The following ITGA5 variants were observed in gnomAD, a reference collection of about 807,000 sequenced individuals.
ITGA5 encodes integrin alpha-5.
ITGA5 carries 55 observed loss-of-function variants against 146.3 expected under a neutral mutation model. The ratio of observed to expected loss-of-function variants is 0.38; its 90% confidence interval spans 0.30 to 0.47. The LOEUF (loss-of-function observed/expected upper bound fraction) is 0.47. Among genes scored for constraint, ITGA5 ranks in the 20% least tolerant of loss-of-function variants. ITGA5 has a pLI of 0.99. For missense variants in ITGA5, 1,131 were observed against 1,329.0 expected, an observed-to-expected ratio of 0.85 and a Z score of 2.32; for synonymous variants, 500 against 531.8, an observed-to-expected ratio of 0.94 and a Z score of 0.82.
chr12:54,410,291 C>T (rs1018729178), intron 2 of ITGA5, among the ~76,000 whole-genome samples: 1 of 151,232 alleles, frequency 6.6e-6, no homozygotes, highest in African/African-American at 2.4e-5. Flanking sequence ...AACCCTTTGG[C>T]TGCACTTCTT....
Position 54,408,885 on chromosome 12 carries a change from T to C in ITGA5, c.645+8A>G. 1 of 1,613,878 alleles carries C rather than the reference T, an allele frequency of 6.2e-7. No individual in the cohort carries two copies. Among genetic ancestry groups the C allele is most frequent in the Non-Finnish European group, 8.5e-7 (1 of 1,179,882 alleles). Reference sequence around the variant, plus strand: ...CACGGCCCCTTCTCTCCCAGACCACTCTCTCACCTTGGTGAACTCGGCACT... The same window carrying C: ...CACGGCCCCTTCTCTCCCAGACCACCCTCTCACCTTGGTGAACTCGGCACT... On this transcript the variant is annotated splice_region_variant and intron_variant, in intron 5 of 29. Coordinates refer to ENST00000293379, the MANE Select transcript of ITGA5 (RefSeq NM_002205.5).
chr12:54,403,064 C>A lies in ITGA5; in HGVS notation c.1915-14G>T. 8.1e-6 allele frequency: 13 copies of A among 1,614,048 alleles called. No homozygotes were observed. Among genetic ancestry groups the A allele is most frequent in the Non-Finnish European group, 1.0e-5 (12 of 1,179,942 alleles). ...CAAGATCTGAGCCTGGGGAGCAGGG[C>A]AGCCTTGAGAGGGGAAGTTTAGACC... is the stretch of plus-strand genomic sequence containing the variant. On this transcript the variant is annotated splice_polypyrimidine_tract_variant and intron_variant, in intron 18 of 29. Coordinates refer to ENST00000293379, the MANE Select transcript of ITGA5 (RefSeq NM_002205.5). The surrounding 1 kb of genome is among the most constrained non-coding windows in gnomAD (Gnocchi z 4.9).
chr12:54,412,468 G>T (rs1955958977), intron 1 of ITGA5: 1 of 152,990 alleles, frequency 6.5e-6, no homozygotes, highest in Non-Finnish European at 1.5e-5. Context: ...GGGCGTGTAG[G>T]AGGAAAATGT....
chr12:54,399,711 G>C lies in ITGA5; in HGVS notation c.2775C>G (p.Pro925=). The C allele has an allele frequency of 6.2e-7, 1 of 1,614,190 alleles. No homozygotes were observed. The highest frequency in any genetic ancestry group is 2.2e-5 in the East Asian group (1 of 44,886). Residue 925 remains proline, a synonymous_variant, in exon 27 of 30, where the codon CCC becomes CCG. Coordinates refer to ENST00000293379, the MANE Select transcript of ITGA5 (RefSeq NM_002205.5). The part of the protein sequence containing the change: ...ECFRLRCELG[P]LHQQESQSLQ... ...GACTTTGGCTCTCTTGTTGGTGCAG[G>C]GGCCCGAGCTCACAGCGCAGCCTGA...
Position 54,399,960 on chromosome 12 carries a change from G to A in ITGA5, c.2644-13C>T, listed in dbSNP as rs780262273. ...CCTCGGGATCCAACTATAAAAGAAA[G>A]TGTTGGGCCCCTTTCCCATCTCATT... On this transcript the variant is annotated splice_polypyrimidine_tract_variant and intron_variant, in intron 25 of 29. Coordinates refer to ENST00000293379, the MANE Select transcript of ITGA5 (RefSeq NM_002205.5). The A allele has an allele frequency of 6.2e-7, 1 of 1,604,408 alleles. No individual in the cohort carries two copies. The highest frequency in any genetic ancestry group is 1.7e-5 in the Admixed American group (1 of 59,986).
intron 2 of ITGA5, among the ~76,000 whole-genome samples, chr12:54,410,422 T>G (rs1001718300): frequency 3.3e-5 from 5 of 150,446 alleles, no homozygotes; most frequent in Admixed American, 6.6e-5. Flanking sequence ...TATGGCTCAC[T>G]GCAACCTTGA....
At chr12:54,410,552 A>ATT (rs576869414) in intron 2 of ITGA5, among the ~76,000 whole-genome samples, 1 of 139,368 alleles carries the variant, frequency 7.2e-6, no homozygotes. Context: ...GTTTATTTTA[A>ATT]TTTTTTTTTT....
intron 2 of ITGA5, among the ~76,000 whole-genome samples, chr12:54,411,368 A>G (rs999692731): frequency 1.8e-4 from 27 of 152,206 alleles, no homozygotes; most frequent in Non-Finnish European, 1.9e-4. Context: ...AGAGCAACTG[A>G]TAGCTGTTAG....
Position 54,409,108 on chromosome 12 carries a change from T to C in ITGA5, c.583+124A>G. 2.0e-6 allele frequency: 3 copies of C among 1,473,836 alleles called. No homozygotes were observed. Among genetic ancestry groups the C allele is most frequent in the Non-Finnish European group, 2.8e-6 (3 of 1,082,138 alleles). The allele number at this position is 1,473,836 out of a possible 1,614,324, so 91.3% of individuals were successfully genotyped here. ...TAAAGGCTAACGAACTGGGTTAGCC[T>C]TTATCTTAAGCAACCTAGAACCTCA... On this transcript the variant is annotated intron_variant, in intron 4 of 29. Transcript: ENST00000293379. This position sits in a 1 kb window ranked among gnomAD's most constrained non-coding sequence, Gnocchi z 4.7.
intron 1 of ITGA5, among the ~76,000 whole-genome samples, chr12:54,412,675 C>G (rs948833162): frequency 9.9e-5 from 15 of 152,210 alleles, no homozygotes; most frequent in African/African-American, 3.6e-4. Context: ...TCTGCTCTAC[C>G]GGGGTCCCAG....
At chr12:54,418,621 C>T (rs1338795516) in intron 1 of ITGA5, among the ~76,000 whole-genome samples, 1 of 151,462 alleles carries the variant, frequency 6.6e-6, no homozygotes, top group African/African-American at 2.4e-5. Flanking sequence ...TGCGCCCCCA[C>T]CCGCCCCAGG....
In ITGA5 at chr12:54,404,126, T is replaced by G. The variant is rs770752273; in HGVS notation, c.1565+19A>C. On this transcript the variant is annotated intron_variant, in intron 15 of 29. Transcript: ENST00000293379. Reference sequence around the variant, plus strand: ...ACTCCCAGGCTCAGGTCTCTGCAATTTCCTGGGCACCAGCTCACCAGGCCA... The same window carrying G: ...ACTCCCAGGCTCAGGTCTCTGCAATGTCCTGGGCACCAGCTCACCAGGCCA... 3 of 1,573,376 alleles carry G rather than the reference T, an allele frequency of 1.9e-6. No homozygotes were observed. Among genetic ancestry groups the G allele is most frequent in the Non-Finnish European group, 2.6e-6 (3 of 1,157,446 alleles).
At position 54,419,241 on chromosome 12, in the gene ITGA5, G is replaced by C. The variant is rs566530526; in HGVS notation, c.-43C>G. On this transcript the variant is annotated 5_prime_UTR_variant, in exon 1 of 30. Coordinates refer to ENST00000293379, the MANE Select transcript of ITGA5 (RefSeq NM_002205.5). ...GTCCTGGGGCCACCGACCCGGAGCC[G>C]CTTCCTAAACCTCCCAGAGGCGAAT... 4 of 1,544,008 alleles carry C rather than the reference G, an allele frequency of 2.6e-6. No individual in the cohort carries two copies. Among genetic ancestry groups the C allele is most frequent in the South Asian group, 1.2e-5 (1 of 84,108 alleles).
rs1412939133 is a variant in ITGA5, at chr12:54,403,362, T to C, written c.1777-38A>G. 3 of 1,498,760 alleles carry C rather than the reference T, an allele frequency of 2.0e-6. No individual in the cohort carries two copies. The South Asian group carries it at 4.2e-5, about 21-fold the overall frequency. The allele number at this position is 1,498,760 out of a possible 1,614,324, so 92.8% of individuals were successfully genotyped here. A position where few individuals can be genotyped will look rare whatever the true frequency, so the allele number is the denominator to read the frequency against. On this transcript the variant is annotated intron_variant, in intron 17 of 29. Coordinates refer to ENST00000293379, the MANE Select transcript of ITGA5 (RefSeq NM_002205.5). The surrounding 1 kb of genome is among the most constrained non-coding windows in gnomAD (Gnocchi z 4.9). ...GAGAGAGTTCACGGAGTCAGGGGACTCTGGAGACTTAGTGGCCCTGCTCCT... is the reference window on the plus strand; with the variant it reads ...GAGAGAGTTCACGGAGTCAGGGGACCCTGGAGACTTAGTGGCCCTGCTCCT...
At chr12:54,400,014 T>A (rs1955768147) in intron 25 of ITGA5, 67 bp from the exon 26 acceptor site, 1 of 1,123,420 alleles carries the variant, frequency 8.9e-7, no homozygotes, top group African/African-American at 1.5e-5. Flanking sequence ...TGCACCTGGG[T>A]TCCAGAGCAG....
rs1319418898 is a variant in ITGA5, at chr12:54,401,534, C to T, written c.2387+51G>A. On this transcript the variant is annotated intron_variant, in intron 23 of 29. Coordinates refer to ENST00000293379, the MANE Select transcript of ITGA5 (RefSeq NM_002205.5). This position sits in a 1 kb window ranked among gnomAD's most constrained non-coding sequence, Gnocchi z 5.0. ...GAAGGAACCCCATATGCATCCTTCC[C>T]TAGAAGTCTGTGTCCCCTCTCAGAA... 6.2e-7 allele frequency: 1 copy of T among 1,605,616 alleles called. No individual in the cohort carries two copies. The highest frequency in any genetic ancestry group is 1.7e-5 in the Admixed American group (1 of 60,006).
chr12:54,410,648 A>G (rs544511807), intron 2 of ITGA5, among the ~76,000 whole-genome samples: 1 of 151,132 alleles, frequency 6.6e-6, no homozygotes, highest in East Asian at 2.0e-4. Context: ...GCAGTGACGG[A>G]GAATCACTCA....
Position 54,412,085 on chromosome 12 carries a change from C to T in ITGA5, c.219-121G>A, listed in dbSNP as rs73322242. On this transcript the variant is annotated intron_variant, in intron 1 of 29. Coordinates refer to ENST00000293379, the MANE Select transcript of ITGA5 (RefSeq NM_002205.5). ...CTGGGGGTGGAGTAGATGCCCCCTG[C>T]GTTGTATTTATATCTCAGAAGATGC... is the stretch of plus-strand genomic sequence containing the variant. 1.1e-5 allele frequency: 8 copies of T among 717,298 alleles called. No homozygotes were observed. In the Admixed American group the frequency reaches 1.8e-4, roughly 16 times the overall value. 44.4% of individuals were successfully genotyped at this position (717,298 alleles called of 1,614,324 possible). A position where few individuals can be genotyped will look rare whatever the true frequency, so the allele number is the denominator to read the frequency against.
In ITGA5 at chr12:54,409,067, G is replaced by C. The variant is rs11574801; in HGVS notation, c.584-113C>G. On this transcript the variant is annotated intron_variant, in intron 4 of 29. Transcript: ENST00000293379. This position sits in a 1 kb window ranked among gnomAD's most constrained non-coding sequence, Gnocchi z 4.7. The stretch of plus-strand genomic sequence containing the variant: ...GAGAACCAGAGAAAGGGCCTTCCTG[G>C]ACCAGACAGTAAGCATAAAGGCTAA... 0.058 allele frequency: 80,726 copies of C among 1,399,564 alleles called. 4,485 individuals are homozygous for C. Among genetic ancestry groups the C allele is most frequent in the South Asian group, 0.23 (19,131 of 83,844 alleles). The allele number at this position is 1,399,564 out of a possible 1,614,324, so 86.7% of individuals were successfully genotyped here.
Sources: allele counts gnomAD v4.1 joint callset (sites outside exome capture counted in the v4.1 genomes callset), GRCh38; gene constraint gnomAD v4.1.1; non-coding constraint Gnocchi (gnomAD v3.1); transcripts MANE v1.5; gene names NCBI Gene and HGNC (gene_info 2026-07-23, HGNC 2026-07-21).